Variants in NFIA observed in about 807,000 individuals in gnomAD.
The protein encoded by NFIA is nuclear factor 1 A-type.
NFIA carries 8 observed loss-of-function variants against 62.8 expected under a neutral mutation model. The ratio of observed to expected loss-of-function variants is 0.13; its 90% CI spans 0.07 to 0.23. NFIA has a LOEUF of 0.23. Ranked by LOEUF, NFIA falls within the 10% of genes least tolerant of loss-of-function variation. NFIA has a pLI of 1.00. For synonymous variants in NFIA, 235 were observed against 238.1 expected, an observed-to-expected ratio of 0.99 and a Z score of 0.12; for missense variants, 410 against 642.1, an observed-to-expected ratio of 0.64 and a Z score of 3.91.
Position 61,320,998 on chromosome 1 carries a change from A to AG in NFIA, c.626-11513dup, listed in dbSNP as rs1289284353. ...GCAAATTACCAGTTGTTACTGTCCA[A>AG]GTTTAGAGGAAACTTTGATGCAGAA... On this transcript the variant is annotated intron_variant, in intron 3 of 10. Coordinates refer to ENST00000403491, the MANE Select transcript of NFIA (RefSeq NM_001134673.4). Among the ~76,000 whole-genome samples the AG allele has an allele frequency of 4.6e-5, 7 of 152,310 alleles. No individual in the cohort carries two copies. In the East Asian group the frequency reaches 1.2e-3, roughly 25 times the overall value.
intron 7 of NFIA, among the ~76,000 whole-genome samples, chr1:61,399,177 G>A (rs1665430125): frequency 6.6e-6 from 1 of 152,162 alleles, no homozygotes; most frequent in Non-Finnish European, 1.5e-5. Flanking sequence ...CGCTAACAGA[G>A]AAAAACTGTT....
chr1:61,126,653 T>C (rs573590164), intron 2 of NFIA, among the ~76,000 whole-genome samples: 8 of 152,092 alleles, frequency 5.3e-5, no homozygotes, highest in South Asian at 4.2e-4. Flanking sequence ...TTAATAAAAA[T>C]AATGAACAAG....
chr1:61,268,416 A>G (rs985060659), intron 2 of NFIA, among the ~76,000 whole-genome samples: 13 of 126,702 alleles, frequency 1.0e-4, no homozygotes, highest in East Asian at 2.5e-4. Flanking sequence ...CCCTGCCCCC[A>G]CCCCCCGACA....
chr1:61,343,933 ATTAC>A (rs1662069223), intron 4 of NFIA, among the ~76,000 whole-genome samples: 1 of 152,198 alleles, frequency 6.6e-6, no homozygotes, highest in Non-Finnish European at 1.5e-5. Flanking sequence ...TCTTATACAA[ATTAC>A]TTACACTGGT....
chr1:61,249,507 G>A (rs535050926), intron 2 of NFIA, among the ~76,000 whole-genome samples: 1 of 152,268 alleles, frequency 6.6e-6, no homozygotes, highest in African/African-American at 2.4e-5. Context: ...GGTGGCTCAC[G>A]CCTATAATCC....
At chr1:61,422,072 G>T (rs1354948795) in intron 9 of NFIA, among the ~76,000 whole-genome samples, 1 of 151,920 alleles carries the variant, frequency 6.6e-6, no homozygotes, top group Non-Finnish European at 1.5e-5. Flanking sequence ...GACCAGCCTG[G>T]GCAACATAGG....
chr1:61,096,181 G>A (rs1181741654), intron 2 of NFIA, among the ~76,000 whole-genome samples: 2 of 152,210 alleles, frequency 1.3e-5, no homozygotes, highest in African/African-American at 4.8e-5. Flanking sequence ...TCAATTTCGT[G>A]CCCTTAAATT....
At chr1:61,352,614 C>T (rs1358849384) in intron 5 of NFIA, 47 bp downstream of exon 5, 2 of 1,403,842 alleles carry the variant, frequency 1.4e-6, no homozygotes, top group Non-Finnish European at 2.0e-6. Context: ...CATGGTTGCA[C>T]ACCTTGATTT....
chr1:61,264,378 T>C (rs922232793), intron 2 of NFIA, among the ~76,000 whole-genome samples: 22 of 152,066 alleles, frequency 1.4e-4, no homozygotes, highest in Admixed American at 6.5e-5. Context: ...GCGTGGTGAC[T>C]CACGCCTATA....
chr1:61,082,257 C>A (rs1646109419), upstream of NFIA: 1 of 473,474 alleles, frequency 2.1e-6, no homozygotes, highest in Non-Finnish European at 3.5e-6. Flanking sequence ...GAGCAAGGAG[C>A]GAGCCACGGA....
intron 2 of NFIA, among the ~76,000 whole-genome samples, chr1:61,155,715 T>C (rs1648770462): frequency 6.6e-6 from 1 of 150,730 alleles, no homozygotes; most frequent in Admixed American, 6.6e-5. Context: ...TTGAAATTTT[T>C]CTCTTACATT....
intron 2 of NFIA, among the ~76,000 whole-genome samples, chr1:61,261,507 TGTTTGGTA>T (rs1421966231): frequency 6.6e-6 from 1 of 152,252 alleles, no homozygotes; most frequent in African/African-American, 2.4e-5. Flanking sequence ...TAAGCTGTAA[TGTTTGGTA>T]GTTTAGGTGT....
intron 2 of NFIA, among the ~76,000 whole-genome samples, chr1:61,275,879 T>C (rs1354613834): frequency 6.6e-6 from 1 of 152,148 alleles, no homozygotes; most frequent in Non-Finnish European, 1.5e-5. Context: ...GTTTGTGATA[T>C]ATATAATATT....
chr1:61,144,101 A>G (rs774780482), intron 2 of NFIA, among the ~76,000 whole-genome samples: 26 of 152,236 alleles, frequency 1.7e-4, no homozygotes, highest in Non-Finnish European at 3.5e-4. Flanking sequence ...GTGAACAAAA[A>G]AGAATCCTTG....
intron 6 of NFIA, among the ~76,000 whole-genome samples, chr1:61,367,393 G>A (rs1203159425): frequency 6.6e-6 from 1 of 152,194 alleles, no homozygotes; most frequent in Non-Finnish European, 1.5e-5. Flanking sequence ...TCTCTTGCTG[G>A]AGTAGGAATA....
chr1:61,132,669 G>T (rs546223092), intron 2 of NFIA: 2 of 152,328 alleles, frequency 1.3e-5, no homozygotes, highest in South Asian at 4.1e-4. Flanking sequence ...AAGAACCAAA[G>T]AAACTAAAAT....
chr1:61,225,141 T>C (rs1654249522), intron 2 of NFIA, among the ~76,000 whole-genome samples: 1 of 151,220 alleles, frequency 6.6e-6, no homozygotes, highest in Non-Finnish European at 1.5e-5. Flanking sequence ...TGTTTTTTGT[T>C]TTTTTAAAAA....
intron 5 of NFIA, 51 bp from the exon 6 acceptor site, chr1:61,359,096 G>A (rs555916156): frequency 6.2e-6 from 10 of 1,601,318 alleles, no homozygotes; most frequent in Non-Finnish European, 8.5e-6. Context: ...CAGTGTCCAA[G>A]AGAAAGGTGG....
intron 6 of NFIA, among the ~76,000 whole-genome samples, chr1:61,361,450 A>G (rs908990673): frequency 8.5e-5 from 13 of 152,212 alleles, no homozygotes; most frequent in African/African-American, 2.9e-4. Flanking sequence ...AGAATTAAAC[A>G]TATAGGTTTG....
Sources: allele counts gnomAD v4.1 joint callset (sites outside exome capture counted in the v4.1 genomes callset), GRCh38; gene constraint gnomAD v4.1.1; transcripts MANE v1.5; gene names NCBI Gene and HGNC (gene_info 2026-07-23, HGNC 2026-07-21).